Variants in PDE4B observed in about 807,000 individuals in gnomAD.
PDE4B encodes the protein phosphodiesterase 4B.
A neutral mutation model predicts 82.2 loss-of-function variants in PDE4B; 20 were observed. The observed-to-expected ratio is 0.24, with a 90% CI of 0.17 to 0.35. The LOEUF is 0.35. Ranked by LOEUF, PDE4B falls within the 10% of genes least tolerant of loss-of-function variation. The pLI, the probability that PDE4B is intolerant of heterozygous loss-of-function variation, is 1.00. For missense variants in PDE4B, 655 were observed against 907.2 expected (o/e 0.72, Z 3.57); for synonymous variants, 320 against 318.9 (o/e 1.00, Z -0.04).
intron 3 of PDE4B, among the ~76,000 whole-genome samples, chr1:65,940,113 C>CT (rs1286019234): frequency 1.9e-4 from 29 of 152,168 alleles, no homozygotes; most frequent in Middle Eastern, 3.4e-3. Context: ...GACAAGTTTG[C>CT]TACGGAAGTC....
At chr1:65,847,093 G>T (rs1173243815) in intron 1 of PDE4B, among the ~76,000 whole-genome samples, 3 of 152,214 alleles carry the variant, frequency 2.0e-5, no homozygotes, top group Non-Finnish European at 4.4e-5. Context: ...TTGGGCAATA[G>T]CATTGCTTGC....
intron 3 of PDE4B, among the ~76,000 whole-genome samples, chr1:65,953,380 A>C (rs1456534780): frequency 1.3e-5 from 2 of 152,224 alleles, no homozygotes; most frequent in East Asian, 3.9e-4. Flanking sequence ...AGATGTGATT[A>C]AGTTCAGGGC....
chr1:66,271,756 C>G (rs1402423225), intron 7 of PDE4B, among the ~76,000 whole-genome samples: 1 of 152,162 alleles, frequency 6.6e-6, no homozygotes, highest in Non-Finnish European at 1.5e-5. Context: ...GGAGGTACCC[C>G]ACTTTTAAAA....
chr1:66,005,477 G>T (rs890196450), intron 3 of PDE4B, among the ~76,000 whole-genome samples: 1 of 152,108 alleles, frequency 6.6e-6, no homozygotes, highest in Non-Finnish European at 1.5e-5. Flanking sequence ...CTTTGAGAAA[G>T]TTTTCCTTCT....
intron 3 of PDE4B, among the ~76,000 whole-genome samples, chr1:66,206,239 T>C (rs767668998): frequency 4.6e-5 from 7 of 152,162 alleles, no homozygotes; most frequent in Non-Finnish European, 8.8e-5. Flanking sequence ...AACTTGGAAT[T>C]TACCCTACAG....
In PDE4B at chr1:66,363,313, T is replaced by A. The variant is rs765605811; in HGVS notation, c.1119+47T>A. 1.9e-5 allele frequency: 29 copies of A among 1,547,968 alleles called. No individual in the cohort carries two copies. In the South Asian group the frequency reaches 2.9e-4, roughly 16 times the overall value. On this transcript the variant is annotated intron_variant, in intron 11 of 16. Transcript: ENST00000341517. ...CTGGCTTTCCAATTGGATGGCTCTTTATGATTTTTTTTTTCCATCTTACTT... is the reference window on the plus strand; with the variant it reads ...CTGGCTTTCCAATTGGATGGCTCTTAATGATTTTTTTTTTCCATCTTACTT...
rs146737103 is a variant in PDE4B, at chr1:66,070,951, T to C, written c.281+152116T>C. 3.7e-3 allele frequency among the ~76,000 whole-genome samples: 557 copies of C among 152,208 alleles called. 2 individuals carry two copies. Among genetic ancestry groups the C allele is most frequent in the African/African-American group, 0.012 (511 of 41,552 alleles). On this transcript the variant is annotated intron_variant, in intron 3 of 16. Transcript: ENST00000341517. ...TTGATTACAAAATCCATTTAAAATA[T>C]GGCATTTAATATATAAGCTATGAAA...
chr1:66,083,168 A>G (rs760425210), intron 3 of PDE4B, among the ~76,000 whole-genome samples: 1 of 152,094 alleles, frequency 6.6e-6, no homozygotes, highest in Non-Finnish European at 1.5e-5. Flanking sequence ...CTGCGTGGCC[A>G]CATTAATCTT....
chr1:66,210,353 T>G (rs1208186201), intron 3 of PDE4B, among the ~76,000 whole-genome samples: 1 of 151,734 alleles, frequency 6.6e-6, no homozygotes, highest in Non-Finnish European at 1.5e-5. Flanking sequence ...ATCCCAGCAT[T>G]TTGGGAGGTC....
At chr1:65,897,411 A>G (rs912376701) in intron 1 of PDE4B, among the ~76,000 whole-genome samples, 1 of 152,136 alleles carries the variant, frequency 6.6e-6, no homozygotes, top group Admixed American at 6.6e-5. Context: ...TTAGGGGTAC[A>G]TGTGCAGGCT....
chr1:66,085,189 A>G (rs1053616190), intron 3 of PDE4B, among the ~76,000 whole-genome samples: 6 of 152,156 alleles, frequency 3.9e-5, no homozygotes, highest in African/African-American at 1.4e-4. Context: ...ATGTCTTTGC[A>G]GGCAGCTGCG....
At chr1:66,204,109 C>T (rs975245923) in intron 3 of PDE4B, among the ~76,000 whole-genome samples, 1 of 152,196 alleles carries the variant, frequency 6.6e-6, no homozygotes, top group Non-Finnish European at 1.5e-5. Flanking sequence ...TGCTAGAGGT[C>T]CATTCCAGAC....
chr1:66,152,408 G>A, intron 3 of PDE4B: 1 of 209,072 alleles, frequency 4.8e-6, no homozygotes, highest in Non-Finnish European at 1.1e-5. Context: ...AAGATGAGCA[G>A]GCAGGGTGGC....
intron 4 of PDE4B, among the ~76,000 whole-genome samples, chr1:66,254,572 G>A (rs1232325004): frequency 3.9e-5 from 6 of 152,090 alleles, no homozygotes. Context: ...CTTCCTGCTC[G>A]ATGTCTCCAC....
At chr1:65,978,520 C>G (rs937605937) in intron 3 of PDE4B, among the ~76,000 whole-genome samples, 2 of 144,360 alleles carry the variant, frequency 1.4e-5, no homozygotes, top group Non-Finnish European at 1.5e-5. Flanking sequence ...AATTCACTCA[C>G]TTAGGTCATT....
chr1:66,176,563 A>G (rs1470395463), intron 3 of PDE4B, among the ~76,000 whole-genome samples: 2 of 152,250 alleles, frequency 1.3e-5, no homozygotes, highest in Non-Finnish European at 2.9e-5. Context: ...AGCACAGATG[A>G]AGCTATCATA....
intron 3 of PDE4B, among the ~76,000 whole-genome samples, chr1:66,145,443 T>A (rs1289537944): frequency 1.3e-5 from 2 of 152,214 alleles, no homozygotes; most frequent in East Asian, 3.8e-4. Flanking sequence ...TCTGCCCTGA[T>A]ATTTGGACTT....
At chr1:66,282,918 T>A (rs1656396959) in intron 7 of PDE4B, among the ~76,000 whole-genome samples, 1 of 152,152 alleles carries the variant, frequency 6.6e-6, no homozygotes, top group African/African-American at 2.4e-5. Context: ...CTCCAAAACC[T>A]AGGCTTCTTC....
intron 3 of PDE4B, among the ~76,000 whole-genome samples, chr1:66,194,916 T>G (rs1181206517): frequency 3.3e-5 from 5 of 152,142 alleles, no homozygotes; most frequent in African/African-American, 1.2e-4. Flanking sequence ...ATTATATATG[T>G]GAAAATATTT....
Sources: gnomAD v4.1 joint callset for allele counts (sites outside exome capture counted in the v4.1 genomes callset) on GRCh38, gnomAD v4.1.1 for gene constraint, MANE v1.5 for transcripts, NCBI Gene and HGNC (gene_info 2026-07-23, HGNC 2026-07-21) for gene names.